The following KCNIP4 variants were observed in gnomAD, a reference collection of about 807,000 sequenced individuals.
The protein encoded by KCNIP4 is Kv channel-interacting protein 4.
Under a neutral mutation model 34.0 loss-of-function variants are expected in KCNIP4, and 12 were observed. That is an observed-to-expected ratio of 0.35 (90% CI 0.23 to 0.57). The LOEUF is 0.57. Ranked by LOEUF, KCNIP4 falls within the 20% of genes least tolerant of loss-of-function variation. The probability of loss-of-function intolerance (pLI) is 0.83; values close to 1 mark genes in which losing one functional copy is unlikely to be tolerated. For synonymous variants in KCNIP4, 124 were observed against 102.2 expected (o/e 1.21, Z -1.29); for missense variants, 238 against 311.7 (o/e 0.76, Z 1.78).
At chr4:21,823,217 T>C (rs1267339849) in intron 1 of KCNIP4, among the ~76,000 whole-genome samples, 5 of 152,118 alleles carry the variant, frequency 3.3e-5, no homozygotes, top group African/African-American at 9.6e-5. Context: ...AAATCTTTCA[T>C]ACAAGAGCTA....
intron 1 of KCNIP4, among the ~76,000 whole-genome samples, chr4:21,609,562 T>C (rs1743988540): frequency 6.6e-6 from 1 of 152,030 alleles, no homozygotes; most frequent in African/African-American, 2.4e-5. Context: ...GATAGAAAAA[T>C]TTGCTAGGAC....
intron 1 of KCNIP4, among the ~76,000 whole-genome samples, chr4:21,039,829 G>A (rs1741792699): frequency 6.6e-6 from 1 of 152,072 alleles, no homozygotes; most frequent in South Asian, 2.1e-4. Flanking sequence ...AACATATAAA[G>A]CAGCCTCTCA....
chr4:21,230,740 C>T (rs1441108280), intron 1 of KCNIP4, among the ~76,000 whole-genome samples: 2 of 152,146 alleles, frequency 1.3e-5, no homozygotes, highest in Non-Finnish European at 2.9e-5. Context: ...ATATGTACCA[C>T]ATTTTCTTTA....
At chr4:21,143,470 T>C (rs1177864918) in intron 1 of KCNIP4, among the ~76,000 whole-genome samples, 1 of 152,092 alleles carries the variant, frequency 6.6e-6, no homozygotes, top group Non-Finnish European at 1.5e-5. Flanking sequence ...TGGAAGGAGA[T>C]TCTTCCCCAG....
chr4:21,254,668 A>T (rs1018224041), intron 1 of KCNIP4, among the ~76,000 whole-genome samples: 1 of 152,110 alleles, frequency 6.6e-6, no homozygotes, highest in African/African-American at 2.4e-5. Flanking sequence ...CTGAGTATCC[A>T]TTATCTCTTT....
intron 1 of KCNIP4, among the ~76,000 whole-genome samples, chr4:21,859,332 G>T (rs1391955278): frequency 6.6e-6 from 1 of 151,986 alleles, no homozygotes; most frequent in Non-Finnish European, 1.5e-5. Context: ...GGCTTAACTG[G>T]CCTGTAAGGT....
chr4:21,745,923 T>G (rs1365077866), intron 1 of KCNIP4, among the ~76,000 whole-genome samples: 2 of 152,306 alleles, frequency 1.3e-5, no homozygotes, highest in Non-Finnish European at 1.5e-5. Flanking sequence ...TTTGCTATGA[T>G]GCCATAACAA....
intron 1 of KCNIP4, among the ~76,000 whole-genome samples, chr4:21,506,716 G>C (rs1733873672): frequency 6.6e-6 from 1 of 152,186 alleles, no homozygotes; most frequent in African/African-American, 2.4e-5. Flanking sequence ...AATGCAAACT[G>C]CATGTACAAT....
chr4:21,528,140 C>T (rs978165102), intron 1 of KCNIP4, among the ~76,000 whole-genome samples: 1 of 152,146 alleles, frequency 6.6e-6, no homozygotes, highest in Non-Finnish European at 1.5e-5. Context: ...TCAGCTATTA[C>T]AGGTTGTTGC....
intron 1 of KCNIP4, among the ~76,000 whole-genome samples, chr4:21,853,875 G>T (rs191626792): frequency 6.6e-6 from 1 of 152,180 alleles, no homozygotes; most frequent in Admixed American, 6.5e-5. Flanking sequence ...GTCAAATAAA[G>T]AGTTTGGGGT....
At chr4:21,259,094 T>C (rs959229558) in intron 1 of KCNIP4, among the ~76,000 whole-genome samples, 6 of 152,216 alleles carry the variant, frequency 3.9e-5, no homozygotes, top group Non-Finnish European at 7.3e-5. Flanking sequence ...CACGTCATAC[T>C]GATAGTTCAT....
At chr4:21,616,278 C>T (rs1744600943) in intron 1 of KCNIP4, among the ~76,000 whole-genome samples, 2 of 152,184 alleles carry the variant, frequency 1.3e-5, no homozygotes, top group East Asian at 1.9e-4. Context: ...ACCTTTATCT[C>T]TCCACCTGTC....
intron 1 of KCNIP4, among the ~76,000 whole-genome samples, chr4:21,618,766 T>G (rs1374394620): frequency 1.3e-5 from 2 of 150,834 alleles, no homozygotes; most frequent in Non-Finnish European, 3.0e-5. Context: ...CCTAGTAGCT[T>G]GGACTACAGG....
intron 1 of KCNIP4, among the ~76,000 whole-genome samples, chr4:21,715,038 T>C (rs1370226461): frequency 3.5e-5 from 1 of 28,474 alleles, no homozygotes; most frequent in Non-Finnish European, 4.8e-5. Context: ...TATTTTATTT[T>C]ATTTTATTTT....
At chr4:21,239,469 T>C (rs10003245) in intron 1 of KCNIP4, among the ~76,000 whole-genome samples, 25,705 of 149,682 alleles carry the variant, frequency 0.17, 3,985 homozygotes, top group African/African-American at 0.43. Context: ...TTTTTGCAAC[T>C]TACTCATCTG....
At chr4:20,921,007 TA>T (rs1729345543) in intron 1 of KCNIP4, among the ~76,000 whole-genome samples, 1 of 151,298 alleles carries the variant, frequency 6.6e-6, no homozygotes, top group African/African-American at 2.4e-5. Flanking sequence ...ATAAAATAAA[TA>T]AAAAAGATAA....
chr4:21,808,153 T>C (rs1721415163), intron 1 of KCNIP4, among the ~76,000 whole-genome samples: 1 of 152,186 alleles, frequency 6.6e-6, no homozygotes, highest in African/African-American at 2.4e-5. Flanking sequence ...ACTTGAGATA[T>C]AGTTTTGATA....
intron 1 of KCNIP4, among the ~76,000 whole-genome samples, chr4:21,372,126 A>G (rs1339195623): frequency 6.8e-6 from 1 of 147,506 alleles, no homozygotes; most frequent in African/African-American, 2.7e-5. Flanking sequence ...CAACATCAAC[A>G]TATGGAAGAA....
chr4:21,269,634 A>G lies in KCNIP4; in HGVS notation c.62-386925T>C, dbSNP rs7655884. ...GATCTCCAACTCCTGAGCTCAAGCAATCCTCCCACCTCAGCCTCTTAAAGT... is the reference window on the plus strand; with the variant it reads ...GATCTCCAACTCCTGAGCTCAAGCAGTCCTCCCACCTCAGCCTCTTAAAGT... On this transcript the variant is annotated intron_variant, in intron 1 of 8. Coordinates refer to ENST00000382152, the MANE Select transcript of KCNIP4 (RefSeq NM_025221.6). 4.3e-3 allele frequency among the ~76,000 whole-genome samples: 652 copies of G among 152,226 alleles called. 5 individuals are homozygous for G. The highest frequency in any genetic ancestry group is 0.015 in the African/African-American group (609 of 41,546).
Sources: gnomAD v4.1 joint callset for allele counts (sites outside exome capture counted in the v4.1 genomes callset) on GRCh38, gnomAD v4.1.1 for gene constraint, MANE v1.5 for transcripts, NCBI Gene and HGNC (gene_info 2026-07-23, HGNC 2026-07-21) for gene names.